Variants in VSNL1 observed in about 807,000 individuals in gnomAD.
VSNL1 encodes visinin-like protein 1.
A neutral mutation model predicts 20.4 loss-of-function variants in VSNL1; 6 were observed. The observed-to-expected ratio is 0.29, with a 90% CI of 0.16 to 0.58. The LOEUF (loss-of-function observed/expected upper bound fraction) is 0.58, where lower values mean the gene tolerates loss of function less well. Ranked by LOEUF, VSNL1 falls within the 20% of genes least tolerant of loss-of-function variation. The probability of loss-of-function intolerance (pLI) is 0.90; values close to 1 mark genes in which losing one functional copy is unlikely to be tolerated. For missense variants in VSNL1, 100 were observed against 234.5 expected (o/e 0.43, Z 3.75); for synonymous variants, 93 against 86.4 (o/e 1.08, Z -0.42).
Position 17,649,829 on chromosome 2 carries a change from G to A in VSNL1, c.378+204G>A, listed in dbSNP as rs992204569. 1.3e-5 allele frequency among the ~76,000 whole-genome samples: 2 copies of A among 152,188 alleles called. No homozygotes were observed. The highest frequency in any genetic ancestry group is 4.8e-5 in the African/African-American group (2 of 41,446). On this transcript the variant is annotated intron_variant, in intron 3 of 3. Coordinates refer to ENST00000295156, the MANE Select transcript of VSNL1 (RefSeq NM_003385.5). The surrounding 1 kb of genome is among the most constrained non-coding windows in gnomAD (Gnocchi z 6.4). ...ACCAAGCCATGGGGCCCGTACTGTC[G>A]TGACGGTGGCATTGTCATCTGCCAT...
At chr2:17,646,006 C>G (rs1665982931) in intron 2 of VSNL1, among the ~76,000 whole-genome samples, 2 of 152,328 alleles carry the variant, frequency 1.3e-5, no homozygotes, top group South Asian at 4.2e-4. Flanking sequence ...ATGTCCATTA[C>G]TTTTGTTTGC....
chr2:17,581,549 A>G (rs904267647), intron 1 of VSNL1, among the ~76,000 whole-genome samples: 2 of 152,196 alleles, frequency 1.3e-5, no homozygotes, highest in African/African-American at 2.4e-5. Flanking sequence ...GCTGAAGTAA[A>G]CACCCTTTGT....
intron 1 of VSNL1, among the ~76,000 whole-genome samples, chr2:17,580,618 A>G (rs563772479): frequency 6.6e-6 from 1 of 152,204 alleles, no homozygotes; most frequent in Non-Finnish European, 1.5e-5. Context: ...CATCTATACA[A>G]GTTCTATGAA....
At chr2:17,553,815 T>A (rs75802652) in intron 1 of VSNL1, among the ~76,000 whole-genome samples, 3,788 of 152,342 alleles carry the variant, frequency 0.025, 180 homozygotes, top group African/African-American at 0.086. Context: ...ATCCATTAAA[T>A]GCTTAGCGGA....
At chr2:17,637,206 A>G (rs1171799369) in intron 2 of VSNL1, among the ~76,000 whole-genome samples, 1 of 152,186 alleles carries the variant, frequency 6.6e-6, no homozygotes, top group Non-Finnish European at 1.5e-5. Context: ...GGGAGCCCGG[A>G]GAGCCTGTCT....
intron 2 of VSNL1, among the ~76,000 whole-genome samples, chr2:17,620,880 C>T (rs1157257182): frequency 6.6e-6 from 1 of 152,208 alleles, no homozygotes; most frequent in African/African-American, 2.4e-5. Context: ...TTTAAACTCA[C>T]TGGGGAGGGC....
In VSNL1 at chr2:17,602,768, TAAA is replaced by T. The variant is rs146999421; in HGVS notation, c.162+10537_162+10539del. Reference sequence around the variant, plus strand: ...AACATAAATATAAAATAAAATAAAATAAAAAAATAAAATAAAATAAAATAAAAT... The same window carrying T: ...AACATAAATATAAAATAAAATAAAATAAAATAAAATAAAATAAAATAAAAT... On this transcript the variant is annotated intron_variant, in intron 2 of 3. Coordinates refer to ENST00000295156, the MANE Select transcript of VSNL1 (RefSeq NM_003385.5). 6.5e-3 allele frequency among the ~76,000 whole-genome samples: 592 copies of T among 90,466 alleles called. 2 individuals carry two copies. The highest frequency in any genetic ancestry group is 0.017 in the South Asian group (29 of 1,728). 59.3% of individuals were successfully genotyped at this position (90,466 alleles called of 152,430 possible).
intron 2 of VSNL1, among the ~76,000 whole-genome samples, chr2:17,618,975 G>A (rs1665284206): frequency 6.6e-6 from 1 of 152,112 alleles, no homozygotes; most frequent in Admixed American, 6.5e-5. Flanking sequence ...GTGAATCAGT[G>A]GTGGGGTCGG....
intron 2 of VSNL1, among the ~76,000 whole-genome samples, chr2:17,619,317 G>A (rs1369457593): frequency 6.6e-6 from 1 of 152,188 alleles, no homozygotes; most frequent in Non-Finnish European, 1.5e-5. Flanking sequence ...GGTATAGGTA[G>A]AGAGCGGGCA....
intron 2 of VSNL1, among the ~76,000 whole-genome samples, chr2:17,612,856 C>A (rs1355119166): frequency 6.6e-6 from 1 of 152,156 alleles, no homozygotes; most frequent in African/African-American, 2.4e-5. Context: ...GGAAGAGTTT[C>A]CAAAGCCCTT....
chr2:17,559,673 C>G (rs1383450920), intron 1 of VSNL1, among the ~76,000 whole-genome samples: 1 of 152,110 alleles, frequency 6.6e-6, no homozygotes, highest in South Asian at 2.1e-4. Context: ...AAATCACATT[C>G]ATTTACTTAC....
intron 2 of VSNL1, among the ~76,000 whole-genome samples, chr2:17,608,588 A>G (rs1252214027): frequency 2.0e-5 from 3 of 152,196 alleles, no homozygotes; most frequent in South Asian, 4.1e-4. Flanking sequence ...TTGTCTGTTC[A>G]GCTTTCAGGA....
intron 1 of VSNL1, among the ~76,000 whole-genome samples, chr2:17,568,050 TGAC>T (rs1663995496): frequency 6.6e-6 from 1 of 152,210 alleles, no homozygotes; most frequent in African/African-American, 2.4e-5. Context: ...TTTACTGAGA[TGAC>T]GAATGTATTT....
In VSNL1 at chr2:17,627,485, T is replaced by C. The variant is rs989773337; in HGVS notation, c.163-21925T>C. Among the ~76,000 whole-genome samples the C allele has an allele frequency of 8.7e-4, 133 of 152,186 alleles. 1 individual carries two copies. The highest frequency in any genetic ancestry group is 3.0e-3 in the African/African-American group (124 of 41,446). The stretch of plus-strand genomic sequence containing the variant: ...GAGATGAGTTTTATTATTACTCAAA[T>C]CAGTCTCTCTGAAAACCTGGGGATC... On this transcript the variant is annotated intron_variant, in intron 2 of 3. Transcript: ENST00000295156.
intron 2 of VSNL1, among the ~76,000 whole-genome samples, chr2:17,632,923 G>C (rs1283960690): frequency 1.3e-5 from 2 of 152,202 alleles, no homozygotes; most frequent in African/African-American, 4.8e-5. Context: ...GGAAGCCAAG[G>C]CAGGCAGATC....
intron 1 of VSNL1, among the ~76,000 whole-genome samples, chr2:17,587,719 T>C (rs1227969828): frequency 6.6e-6 from 1 of 152,156 alleles, no homozygotes; most frequent in Non-Finnish European, 1.5e-5. Flanking sequence ...CTGCATGCAT[T>C]CTTTACTAAG....
intron 2 of VSNL1, among the ~76,000 whole-genome samples, chr2:17,624,549 C>T (rs1186801208): frequency 4.6e-5 from 7 of 152,148 alleles, no homozygotes; most frequent in African/African-American, 1.4e-4. Context: ...TAATCACAAG[C>T]GTCCTTAAAG....
chr2:17,582,176 C>T (rs1339409836), intron 1 of VSNL1, among the ~76,000 whole-genome samples: 2 of 151,940 alleles, frequency 1.3e-5, no homozygotes, highest in African/African-American at 2.4e-5. Context: ...GAAGTTGTAG[C>T]ATAGGTGAGA....
intron 2 of VSNL1, among the ~76,000 whole-genome samples, chr2:17,613,902 G>A (rs1419819261): frequency 6.6e-6 from 1 of 152,186 alleles, no homozygotes; most frequent in Non-Finnish European, 1.5e-5. Flanking sequence ...CTCCAGAAGA[G>A]CCCCCAAGTC....
Sources: allele counts gnomAD v4.1 joint callset (sites outside exome capture counted in the v4.1 genomes callset), GRCh38; gene constraint gnomAD v4.1.1; non-coding constraint Gnocchi (gnomAD v3.1); transcripts MANE v1.5; gene names NCBI Gene and HGNC (gene_info 2026-07-23, HGNC 2026-07-21).